Variants in EXT1 observed in about 807,000 individuals in gnomAD.
EXT1 encodes exostosin glycosyltransferase 1, also known as exostosin-1.
A neutral mutation model predicts 82.5 loss-of-function variants in EXT1; 20 were observed. The observed-to-expected ratio is 0.24, with a 90% CI of 0.17 to 0.35. The LOEUF is 0.35. Among genes scored for constraint, EXT1 ranks in the 10% least tolerant of loss-of-function variants. The probability of loss-of-function intolerance (pLI) is 1.00; values close to 1 mark genes in which losing one functional copy is unlikely to be tolerated. For synonymous variants in EXT1, 348 were observed against 350.8 expected (o/e 0.99, Z 0.09); for missense variants, 757 against 936.5 (o/e 0.81, Z 2.50).
chr8:117,993,441 A>G (rs192628086), intron 1 of EXT1, among the ~76,000 whole-genome samples: 3 of 152,358 alleles, frequency 2.0e-5, no homozygotes, highest in East Asian at 3.9e-4. Flanking sequence ...AAACACAGTG[A>G]AGGATGAACA....
chr8:117,957,618 A>G (rs1814614829), intron 1 of EXT1, among the ~76,000 whole-genome samples: 1 of 152,224 alleles, frequency 6.6e-6, no homozygotes, highest in Non-Finnish European at 1.5e-5. Flanking sequence ...TAAAAAGGCA[A>G]ACTCCTCAAG....
chr8:117,979,870 C>T (rs539034558), intron 1 of EXT1, among the ~76,000 whole-genome samples: 2 of 152,178 alleles, frequency 1.3e-5, no homozygotes, highest in Non-Finnish European at 2.9e-5. Flanking sequence ...AAATAAATTA[C>T]CACTTAAACA....
In EXT1 at chr8:118,010,275, G is replaced by A. The variant is rs1008980244; in HGVS notation, c.962+99810C>T. On this transcript the variant is annotated intron_variant, in intron 1 of 10. Coordinates refer to ENST00000378204, the MANE Select transcript of EXT1 (RefSeq NM_000127.3). ...TAGTCCCAGCTACTCGGGAGGCTGA[G>A]GCAGGAGAATGGAGTGATCCCGGGA... 5.3e-5 allele frequency among the ~76,000 whole-genome samples: 8 copies of A among 151,474 alleles called. No homozygotes were observed. In the South Asian group the frequency reaches 6.3e-4, roughly 12 times the overall value.
chr8:117,802,111 A>G (rs1006485085), intron 10 of EXT1, among the ~76,000 whole-genome samples: 1 of 152,214 alleles, frequency 6.6e-6, no homozygotes, highest in Admixed American at 6.5e-5. Flanking sequence ...TATGATGGAA[A>G]GAAGGGGGCA....
intron 1 of EXT1, among the ~76,000 whole-genome samples, chr8:117,987,623 T>A (rs1832185084): frequency 6.6e-6 from 1 of 152,232 alleles, no homozygotes; most frequent in African/African-American, 2.4e-5. Flanking sequence ...GGCTCTGATG[T>A]ACGTTAAAGC....
intron 1 of EXT1, among the ~76,000 whole-genome samples, chr8:118,087,129 T>C (rs544956726): frequency 3.3e-5 from 5 of 152,188 alleles, no homozygotes; most frequent in Admixed American, 3.3e-4. Context: ...AAAACAGTCT[T>C]GGGAACAGGA....
At chr8:118,026,726 T>G (rs1816208997) in intron 1 of EXT1, among the ~76,000 whole-genome samples, 1 of 152,136 alleles carries the variant, frequency 6.6e-6, no homozygotes, top group Admixed American at 6.5e-5. Context: ...GGAACAGCAT[T>G]AGCTACTACA....
intron 1 of EXT1, among the ~76,000 whole-genome samples, chr8:117,881,828 G>A (rs1017894920): frequency 6.6e-6 from 1 of 152,112 alleles, no homozygotes; most frequent in African/African-American, 2.4e-5. Context: ...AAAGTCAGAA[G>A]GAAACCACAA....
At chr8:117,879,622 A>C (rs1813027537) in intron 1 of EXT1, among the ~76,000 whole-genome samples, 1 of 152,226 alleles carries the variant, frequency 6.6e-6, no homozygotes, top group Admixed American at 6.5e-5. Context: ...AGAATACAGG[A>C]AAGACATACC....
At chr8:117,978,911 T>C (rs1815124823) in intron 1 of EXT1, among the ~76,000 whole-genome samples, 1 of 152,184 alleles carries the variant, frequency 6.6e-6, no homozygotes, top group Non-Finnish European at 1.5e-5. Flanking sequence ...GTATTGTTAT[T>C]ATGTTAAACA....
intron 3 of EXT1, among the ~76,000 whole-genome samples, chr8:117,833,622 A>T (rs1353590890): frequency 1.4e-4 from 21 of 152,076 alleles, no homozygotes; most frequent in Non-Finnish European, 2.4e-4. Context: ...CTCAAAAAAA[A>T]AAAAGAAAGA....
intron 1 of EXT1, among the ~76,000 whole-genome samples, chr8:118,097,712 TTC>T (rs1352472091): frequency 6.6e-6 from 1 of 152,194 alleles, no homozygotes; most frequent in Admixed American, 6.5e-5. Context: ...TACGTGCACC[TTC>T]TTATTCACTG....
At chr8:118,054,034 G>A (rs1036882818) in intron 1 of EXT1, among the ~76,000 whole-genome samples, 1 of 152,156 alleles carries the variant, frequency 6.6e-6, no homozygotes, top group African/African-American at 2.4e-5. Flanking sequence ...GCATCCAGTG[G>A]GTGGAGGCCA....
At chr8:117,937,674 G>A (rs1194127161) in intron 1 of EXT1, among the ~76,000 whole-genome samples, 1 of 152,226 alleles carries the variant, frequency 6.6e-6, no homozygotes, top group Non-Finnish European at 1.5e-5. Context: ...TATGCAACGC[G>A]TTCAGAGCAT....
At chr8:117,834,062 C>A (rs112036962) in intron 3 of EXT1, among the ~76,000 whole-genome samples, 2,363 of 152,220 alleles carry the variant, frequency 0.016, 78 homozygotes, top group African/African-American at 0.054. Context: ...GTATTCAGGG[C>A]AGAATAACTT....
intron 1 of EXT1, among the ~76,000 whole-genome samples, chr8:117,888,326 T>G (rs1196141488): frequency 6.6e-6 from 1 of 151,980 alleles, no homozygotes; most frequent in Non-Finnish European, 1.5e-5. Context: ...AATAATAGAT[T>G]AAATAAAACA....
At chr8:118,109,746 C>G (rs921477792) in intron 1 of EXT1, among the ~76,000 whole-genome samples, 1 of 152,168 alleles carries the variant, frequency 6.6e-6, no homozygotes, top group Non-Finnish European at 1.5e-5. Context: ...GAAACACCCT[C>G]CAGTACCCAT....
chr8:117,879,031 C>T (rs1045293793), intron 1 of EXT1, among the ~76,000 whole-genome samples: 2 of 152,224 alleles, frequency 1.3e-5, no homozygotes, highest in South Asian at 4.1e-4. Flanking sequence ...AGCTTTTCCT[C>T]CTAGGTGGCA....
intron 1 of EXT1, among the ~76,000 whole-genome samples, chr8:118,097,610 C>T (rs1196598830): frequency 2.6e-5 from 4 of 152,178 alleles, no homozygotes; most frequent in Non-Finnish European, 5.9e-5. Flanking sequence ...TGCTTTACTT[C>T]ACAGCATCCA....
Sources: gnomAD v4.1 joint callset for allele counts (sites outside exome capture counted in the v4.1 genomes callset) on GRCh38, gnomAD v4.1.1 for gene constraint, MANE v1.5 for transcripts, NCBI Gene and HGNC (gene_info 2026-07-23, HGNC 2026-07-21) for gene names.